The following APIP variants were observed in gnomAD, a reference collection of about 807,000 sequenced individuals.
The protein encoded by APIP is methylthioribulose-1-phosphate dehydratase.
In APIP, 32 loss-of-function variants were observed where a neutral mutation model predicts 32.0. The ratio of observed to expected loss-of-function variants is 1.00; its 90% CI spans 0.76 to 1.34. The LOEUF (loss-of-function observed/expected upper bound fraction) is 1.34. APIP is among the 40% of genes most tolerant of loss of function. APIP has a pLI of 0.00. For missense variants in APIP, 247 were observed against 298.6 expected, an observed-to-expected ratio of 0.83 and a Z score of 1.27; for synonymous variants, 92 against 94.8, an observed-to-expected ratio of 0.97 and a Z score of 0.17.
At position 34,886,582 on chromosome 11, in the gene APIP, A is replaced by G. The variant is rs546226177; in HGVS notation, c.461+1711T>C. On this transcript the variant is annotated intron_variant, in intron 5 of 6. Coordinates refer to ENST00000395787, the MANE Select transcript of APIP (RefSeq NM_015957.4). ...GTAGTGTAATGTCCTAGGCCTTCAC[A>G]TTTACTCACCACTCACTCACTTATT... Among the ~76,000 whole-genome samples the G allele has an allele frequency of 3.9e-5, 6 of 152,310 alleles. No individual in the cohort carries two copies. In the South Asian group the frequency reaches 1.2e-3, roughly 32 times the overall value.
rs953661647 is a variant in APIP, at chr11:34,901,319, G to A, written c.58-6209C>T. On this transcript the variant is annotated intron_variant, in intron 1 of 6. Transcript: ENST00000395787. ...CCAGCCTGTGGCGGAGACCACTGGA[G>A]ACAGATCTGCCCCCAGAGACGGAGG... Among the ~76,000 whole-genome samples, 34 of 151,226 alleles carry A rather than the reference G, an allele frequency of 2.2e-4. 1 individual carries two copies. Among genetic ancestry groups the A allele is most frequent in the Admixed American group, 6.6e-5 (1 of 15,252 alleles).
At chr11:34,901,648 C>A (rs1222352441) in intron 1 of APIP, among the ~76,000 whole-genome samples, 1 of 152,194 alleles carries the variant, frequency 6.6e-6, no homozygotes, top group Non-Finnish European at 1.5e-5. Flanking sequence ...ACTATTTACA[C>A]ATGCTTTTAA....
intron 1 of APIP, among the ~76,000 whole-genome samples, chr11:34,910,930 T>C (rs936986902): frequency 9.9e-5 from 15 of 152,250 alleles, no homozygotes; most frequent in Non-Finnish European, 1.6e-4. Flanking sequence ...TCAGTTTCTT[T>C]GTGATTTTGG....
intron 4 of APIP, 151 bp downstream of exon 4, chr11:34,888,601 A>G: frequency 9.0e-7 from 1 of 1,105,484 alleles, no homozygotes; most frequent in Non-Finnish European, 1.3e-6. Context: ...GACCTTCCTC[A>G]TAGGTTGATG....
intron 2 of APIP, among the ~76,000 whole-genome samples, chr11:34,893,455 G>A (rs1853212171): frequency 6.6e-6 from 1 of 152,130 alleles, no homozygotes. Flanking sequence ...ATATTACTGG[G>A]ACTCAACTTC....
At chr11:34,913,518 G>T (rs917588938) in intron 1 of APIP, among the ~76,000 whole-genome samples, 1 of 152,124 alleles carries the variant, frequency 6.6e-6, no homozygotes, top group Non-Finnish European at 1.5e-5. Flanking sequence ...CAGGTTGTTC[G>T]TTCCTCCCGG....
At chr11:34,916,046 G>A (rs1853674394) in intron 1 of APIP, 182 bp downstream of exon 1, 2 of 750,320 alleles carry the variant, frequency 2.7e-6, no homozygotes, top group South Asian at 1.9e-5. Flanking sequence ...GATCTCCTGG[G>A]GCCTCGCAGC....
Position 34,889,043 on chromosome 11 carries a change from A to G in APIP, c.208-174T>C, listed in dbSNP as rs569300111. 7.2e-5 allele frequency among the ~76,000 whole-genome samples: 11 copies of G among 152,174 alleles called. No individual in the cohort carries two copies. The South Asian group carries it at 2.3e-3, about 32-fold the overall frequency. ...AGAGTGCTAATATATGCATATATTTAACTTACATTTTAAATATATAATTAT... is the reference window on the plus strand; with the variant it reads ...AGAGTGCTAATATATGCATATATTTGACTTACATTTTAAATATATAATTAT... On this transcript the variant is annotated intron_variant, in intron 3 of 6. Transcript: ENST00000395787.
chr11:34,910,259 C>A (rs951397532), intron 1 of APIP, among the ~76,000 whole-genome samples: 5 of 152,214 alleles, frequency 3.3e-5, no homozygotes, highest in Non-Finnish European at 7.3e-5. Context: ...TAAATTAGGT[C>A]AACCACGACC....
chr11:34,906,777 C>T (rs1853466163), intron 1 of APIP, among the ~76,000 whole-genome samples: 1 of 152,200 alleles, frequency 6.6e-6, no homozygotes, highest in Admixed American at 6.5e-5. Context: ...CAAGAACACG[C>T]AGGCTTCAGC....
chr11:34,915,861 G>C (rs143842617), intron 1 of APIP: 69 of 317,346 alleles, frequency 2.2e-4, no homozygotes, highest in Non-Finnish European at 3.4e-4. Context: ...AAGAAGCTTG[G>C]GGGGCGCGGT....
Position 34,888,451 on chromosome 11 carries a change from G to A in APIP, c.326-23C>T, listed in dbSNP as rs767095224. The A allele has an allele frequency of 2.3e-5, 36 of 1,599,696 alleles. 1 individual carries two copies. The highest frequency in any genetic ancestry group is 6.9e-5 in the South Asian group (6 of 86,998). On this transcript the variant is annotated intron_variant, in intron 4 of 6. Transcript: ENST00000395787. The stretch of plus-strand genomic sequence containing the variant: ...CTCCTGAAGGAGGAAGAAGAAAGCC[G>A]CATGCTCAATGAAGACTGAATTATA...
intron 2 of APIP, among the ~76,000 whole-genome samples, chr11:34,892,339 C>A (rs117578805): frequency 0.013 from 1,937 of 152,238 alleles, 19 homozygotes; most frequent in Non-Finnish European, 0.017. Flanking sequence ...CTTCTCTGTA[C>A]TCCTGCATTT....
At chr11:34,886,866 T>C (rs1371943188) in intron 5 of APIP, among the ~76,000 whole-genome samples, 2 of 152,234 alleles carry the variant, frequency 1.3e-5, no homozygotes, top group Non-Finnish European at 2.9e-5. Context: ...GGTTTGTGTA[T>C]GCACTCTGCT....
At chr11:34,901,271 A>T (rs1430014743) in intron 1 of APIP, among the ~76,000 whole-genome samples, 1 of 152,102 alleles carries the variant, frequency 6.6e-6, no homozygotes, top group African/African-American at 2.4e-5. Context: ...CCAGGTAGCA[A>T]GACAAAGCCA....
At chr11:34,900,803 A>G (rs1853359442) in intron 1 of APIP, among the ~76,000 whole-genome samples, 2 of 152,082 alleles carry the variant, frequency 1.3e-5, no homozygotes, top group Admixed American at 1.3e-4. Context: ...AAAAGGAAGC[A>G]CTTTTAAGGT....
Position 34,895,104 on chromosome 11 carries a change from C to T in APIP, c.64G>A (p.Glu22Lys). 1 of 1,612,982 alleles carries T rather than the reference C, an allele frequency of 6.2e-7. No homozygotes were observed. Among genetic ancestry groups the T allele is most frequent in the Non-Finnish European group, 8.5e-7 (1 of 1,179,054 alleles). Residue 22 changes from glutamate to lysine, a missense_variant, in exon 2 of 7, where the codon GAG becomes AAG. Physicochemically the swap from Glu to Lys is moderately conservative, Grantham distance 56. Coordinates refer to ENST00000395787, the MANE Select transcript of APIP (RefSeq NM_015957.4). ...TCTGGGATCAGGTATCTTGGATGCT[C>T]CTTGTCCTTAAAAAGAAGGTAATGA... ...CSRRCGAQDK[E>K]HPRYLIPELC... is the part of the protein sequence containing the mutation.
chr11:34,888,603 A>G lies in APIP; in HGVS notation c.325+149T>C, dbSNP rs1007367461. 20 of 1,101,270 alleles carry G rather than the reference A, an allele frequency of 1.8e-5. No homozygotes were observed. In the Admixed American group the frequency reaches 3.3e-4, roughly 18 times the overall value. 68.2% of individuals were successfully genotyped at this position (1,101,270 alleles called of 1,614,324 possible). The stretch of plus-strand genomic sequence containing the variant: ...AAGTGGAATAATGGACCTTCCTCAT[A>G]GGTTGATGTGAGAACTGAGTAAGTT... On this transcript the variant is annotated intron_variant, in intron 4 of 6. Coordinates refer to ENST00000395787, the MANE Select transcript of APIP (RefSeq NM_015957.4).
chr11:34,896,683 G>T (rs1251433962), intron 1 of APIP: 1 of 971,332 alleles, frequency 1.0e-6, no homozygotes, highest in East Asian at 6.0e-5. Flanking sequence ...TAACAAACCT[G>T]TAAGTTCTGC....
Sources: allele counts gnomAD v4.1 joint callset (sites outside exome capture counted in the v4.1 genomes callset), GRCh38; gene constraint gnomAD v4.1.1; transcripts MANE v1.5; gene names NCBI Gene and HGNC (gene_info 2026-07-23, HGNC 2026-07-21).